Variants in ADCY1 observed in about 807,000 individuals in gnomAD.
ADCY1 encodes the protein adenylate cyclase 1.
Under a neutral mutation model 105.4 loss-of-function variants are expected in ADCY1, and 28 were observed. The ratio of observed to expected loss-of-function variants is 0.27; its 90% confidence interval spans 0.20 to 0.36. The LOEUF is 0.36. Ranked by LOEUF, ADCY1 falls within the 10% of genes least tolerant of loss-of-function variation. The pLI, the probability that ADCY1 is intolerant of heterozygous loss-of-function variation, is 1.00. For synonymous variants in ADCY1, 655 were observed against 623.8 expected (o/e 1.05, Z -0.75); for missense variants, 977 against 1,434.2 (o/e 0.68, Z 5.15).
At chr7:45,656,302 CAA>C (rs199852262) in intron 5 of ADCY1, among the ~76,000 whole-genome samples, 23 of 110,494 alleles carry the variant, frequency 2.1e-4, no homozygotes, top group African/African-American at 4.9e-4. Context: ...AACTCCGTCT[CAA>C]AAAAAAAAAA....
intron 1 of ADCY1, among the ~76,000 whole-genome samples, chr7:45,582,251 G>A (rs1362825506): frequency 6.6e-6 from 1 of 152,206 alleles, no homozygotes; most frequent in African/African-American, 2.4e-5. Flanking sequence ...CCTGGTCTCT[G>A]AGGGAGGGCA....
rs550022612 is a variant in ADCY1 at position 45,662,042 on chromosome 7, C to G, written c.1450-17C>G. On this transcript the variant is annotated splice_polypyrimidine_tract_variant and intron_variant, in intron 7 of 19. Transcript: ENST00000297323. ...TCATTCACAGCATTTCTCCTTGCCC[C>G]TTGTGTGTTTGGACAGATATTTCCA... 1.2e-6 allele frequency: 2 copies of G among 1,610,990 alleles called. No homozygotes were observed. The highest frequency in any genetic ancestry group is 4.5e-5 in the East Asian group (2 of 44,814).
At chr7:45,663,096 A>G (rs1795176246) in intron 8 of ADCY1, among the ~76,000 whole-genome samples, 1 of 152,206 alleles carries the variant, frequency 6.6e-6, no homozygotes, top group African/African-American at 2.4e-5. Flanking sequence ...GCCTAGGACA[A>G]GAGGAACAGG....
intron 2 of ADCY1, among the ~76,000 whole-genome samples, chr7:45,600,785 T>A (rs541042825): frequency 6.6e-6 from 1 of 152,352 alleles, no homozygotes; most frequent in South Asian, 2.1e-4. Context: ...CCCTGTGTCC[T>A]CACATGGTCT....
intron 11 of ADCY1, 144 bp downstream of exon 11, chr7:45,679,937 T>A (rs1784525035): frequency 1.1e-6 from 1 of 934,434 alleles, no homozygotes. Context: ...TTCAGGTATG[T>A]GGGTGGCCTG....
In ADCY1 at chr7:45,622,779, A is replaced by G. The variant is rs369387261; in HGVS notation, c.1020+36A>G. On this transcript the variant is annotated intron_variant, in intron 4 of 19. Coordinates refer to ENST00000297323, the MANE Select transcript of ADCY1 (RefSeq NM_021116.4). ...CGTTTTTCTTTGTTCGAATTAAATT[A>G]GAATTGCTTCTGGAGTGACGATAAG... 5 of 1,545,278 alleles carry G rather than the reference A, an allele frequency of 3.2e-6. No homozygotes were observed. The African/African-American group carries it at 5.4e-5, about 17-fold the overall frequency.
intron 8 of ADCY1, among the ~76,000 whole-genome samples, chr7:45,665,165 G>T (rs1040999859): frequency 1.3e-5 from 2 of 152,150 alleles, no homozygotes; most frequent in African/African-American, 2.4e-5. Context: ...ATATAGATTT[G>T]CAGCCTAAGA....
At chr7:45,613,692 A>G (rs1211894537) in intron 3 of ADCY1, among the ~76,000 whole-genome samples, 1 of 152,224 alleles carries the variant, frequency 6.6e-6, no homozygotes, top group Non-Finnish European at 1.5e-5. Flanking sequence ...AATAAGATGA[A>G]TACCCCAAAA....
intron 8 of ADCY1, among the ~76,000 whole-genome samples, chr7:45,662,812 C>A (rs1795167429): frequency 6.6e-6 from 1 of 152,230 alleles, no homozygotes; most frequent in African/African-American, 2.4e-5. Flanking sequence ...CACCCCCGGA[C>A]CCCAGGCTTC....
At chr7:45,592,430 T>A (rs1175380067) in intron 1 of ADCY1, among the ~76,000 whole-genome samples, 2 of 152,226 alleles carry the variant, frequency 1.3e-5, no homozygotes, top group Non-Finnish European at 2.9e-5. Context: ...TCATTTTAAC[T>A]TAATTGCCTC....
At chr7:45,657,911 GGAGGGA>G in intron 6 of ADCY1, 26 bp downstream of exon 6, 2 of 1,497,514 alleles carry the variant, frequency 1.3e-6, no homozygotes, top group Non-Finnish European at 1.8e-6. Flanking sequence ...GGTGGGGAGG[GGAGGGA>G]GGTGGGTGAT....
intron 14 of ADCY1, among the ~76,000 whole-genome samples, chr7:45,695,801 C>T (rs755519665): frequency 6.6e-6 from 1 of 152,238 alleles, no homozygotes; most frequent in Non-Finnish European, 1.5e-5. Flanking sequence ...TGGTGTGTCT[C>T]AATGCCATGT....
rs1785198202 is a variant in ADCY1 at position 45,710,140 on chromosome 7, G to A, written c.2933-388G>A. Among the ~76,000 whole-genome samples the A allele has an allele frequency of 6.6e-6, 1 of 152,214 alleles. No individual in the cohort carries two copies. The highest frequency in any genetic ancestry group is 1.5e-5 in the Non-Finnish European group (1 of 68,038). ...TTCTGGAAGAGAGGATGCACTTGGAGACATACCCTGTAATCACAGATATTG... is the reference window on the plus strand; with the variant it reads ...TTCTGGAAGAGAGGATGCACTTGGAAACATACCCTGTAATCACAGATATTG... On this transcript the variant is annotated intron_variant, in intron 18 of 19. Transcript: ENST00000297323. The surrounding 1 kb of genome is among the most constrained non-coding windows in gnomAD (Gnocchi z 4.7).
chr7:45,714,021 G>A lies in ADCY1; in HGVS notation c.*26G>A. On this transcript the variant is annotated 3_prime_UTR_variant, in exon 20 of 20. Coordinates refer to ENST00000297323, the MANE Select transcript of ADCY1 (RefSeq NM_021116.4). ...TGGAGCCCACGTGGGCCTCTGGGGT[G>A]CACATGGGGTGGGAATGCTCCGGGG... The A allele has an allele frequency of 1.3e-6, 1 of 754,982 alleles. No homozygotes were observed. Among genetic ancestry groups the A allele is most frequent in the South Asian group, 1.4e-5 (1 of 71,482 alleles). The allele number at this position is 754,982 out of a possible 1,614,324, so 46.8% of individuals were successfully genotyped here. A position where few individuals can be genotyped will look rare whatever the true frequency, so the allele number is the denominator to read the frequency against.
intron 5 of ADCY1, among the ~76,000 whole-genome samples, chr7:45,653,708 G>A (rs1794869843): frequency 6.6e-6 from 1 of 152,198 alleles, no homozygotes; most frequent in Admixed American, 6.5e-5. Context: ...GCTTTGCTCT[G>A]TGTGAGGTCT....
chr7:45,697,280 A>G (rs779464275), intron 14 of ADCY1, among the ~76,000 whole-genome samples: 11 of 151,922 alleles, frequency 7.2e-5, no homozygotes, highest in Non-Finnish European at 1.5e-4. Context: ...CTCCGTGTAC[A>G]GTGACGGTGG....
intron 3 of ADCY1, among the ~76,000 whole-genome samples, chr7:45,619,389 A>C (rs1056446431): frequency 1.3e-5 from 2 of 152,098 alleles, no homozygotes; most frequent in Middle Eastern, 3.4e-3. Context: ...ACAAAGAAAT[A>C]ATAAAAATTG....
At chr7:45,638,221 A>G (rs1794444900) in intron 4 of ADCY1, among the ~76,000 whole-genome samples, 1 of 152,120 alleles carries the variant, frequency 6.6e-6, no homozygotes, top group Non-Finnish European at 1.5e-5. Context: ...TCAGTTCCAC[A>G]TGTATTAGGG....
chr7:45,678,787 T>C (rs1184198872), intron 10 of ADCY1, among the ~76,000 whole-genome samples: 1 of 151,604 alleles, frequency 6.6e-6, no homozygotes, highest in Non-Finnish European at 1.5e-5. Context: ...CTCAGGAAGC[T>C]GAGGCAGGAG....
Sources: allele counts gnomAD v4.1 joint callset (sites outside exome capture counted in the v4.1 genomes callset), GRCh38; gene constraint gnomAD v4.1.1; non-coding constraint Gnocchi (gnomAD v3.1); transcripts MANE v1.5; gene names NCBI Gene and HGNC (gene_info 2026-07-23, HGNC 2026-07-21).